Variants in DNAH11 observed in about 807,000 individuals in gnomAD.
The protein encoded by DNAH11 is axonemal beta dynein heavy chain 11.
A neutral mutation model predicts 526.0 loss-of-function variants in DNAH11; 442 were observed. The observed-to-expected ratio is 0.84, with a 90% CI of 0.78 to 0.91. The LOEUF is 0.91. DNAH11 is among the 40% of genes least tolerant of loss of function. The probability of loss-of-function intolerance (pLI) is 0.00; values close to 1 mark genes in which losing one functional copy is unlikely to be tolerated. For missense variants in DNAH11, 6,989 were observed against 5,448.7 expected (o/e 1.28, Z -8.90); for synonymous variants, 2,461 against 1,935.9 (o/e 1.27, Z -7.12).
At chr7:21,755,550 T>C (rs777477420) in intron 54 of DNAH11, among the ~76,000 whole-genome samples, 3 of 152,154 alleles carry the variant, frequency 2.0e-5, no homozygotes, top group Non-Finnish European at 4.4e-5. Context: ...TTAAAAAATA[T>C]GTGTTCATTG....
chr7:21,579,137 C>A (rs62441677), intron 8 of DNAH11, among the ~76,000 whole-genome samples: 2 of 152,066 alleles, frequency 1.3e-5, no homozygotes, highest in African/African-American at 4.8e-5. Context: ...GCCTTTTAGA[C>A]ACTAAGTCAA....
intron 30 of DNAH11, among the ~76,000 whole-genome samples, chr7:21,676,807 C>G (rs1562747432): frequency 6.6e-6 from 1 of 152,196 alleles, no homozygotes; most frequent in Non-Finnish European, 1.5e-5. Context: ...AGATTGGATA[C>G]TGCAAAGACC....
At chr7:21,740,075 T>C (rs1329901450) in intron 48 of DNAH11, among the ~76,000 whole-genome samples, 1 of 152,228 alleles carries the variant, frequency 6.6e-6, no homozygotes, top group African/African-American at 2.4e-5. Flanking sequence ...AGACATATAA[T>C]GACAAGTATC....
intron 61 of DNAH11, among the ~76,000 whole-genome samples, chr7:21,798,792 C>T (rs1270912470): frequency 6.6e-6 from 1 of 152,114 alleles, no homozygotes; most frequent in African/African-American, 2.4e-5. Context: ...TAACAGTCTT[C>T]TGTTAAATAA....
intron 58 of DNAH11, among the ~76,000 whole-genome samples, 175 bp downstream of exon 58, chr7:21,784,715 C>G (rs1788099582): frequency 6.6e-6 from 1 of 152,196 alleles, no homozygotes; most frequent in Non-Finnish European, 1.5e-5. Context: ...CATTATAGTT[C>G]AACTTCTTTT....
intron 74 of DNAH11, among the ~76,000 whole-genome samples, chr7:21,874,215 T>C (rs1195691049): frequency 1.5e-5 from 2 of 129,080 alleles, no homozygotes; most frequent in African/African-American, 5.8e-5. Context: ...CAGTGTAGTG[T>C]TTTAGCCCGG....
At chr7:21,704,238 C>T (rs972543810) in intron 37 of DNAH11, among the ~76,000 whole-genome samples, 196 bp from the exon 38 acceptor site, 4 of 152,190 alleles carry the variant, frequency 2.6e-5, no homozygotes, top group African/African-American at 9.7e-5. Flanking sequence ...TTCATTGTAT[C>T]AGTTCAGCCT....
At chr7:21,650,678 C>T (rs1168165021) in intron 28 of DNAH11, among the ~76,000 whole-genome samples, 4 of 150,948 alleles carry the variant, frequency 2.6e-5, no homozygotes, top group East Asian at 1.9e-4. Flanking sequence ...TCGTTCTTGT[C>T]TCCCAGGCTG....
chr7:21,571,903 G>A lies in DNAH11; in HGVS notation c.1523G>A (p.Ser508Asn). The A allele has an allele frequency of 1.2e-6, 2 of 1,612,798 alleles. No individual in the cohort carries two copies. Among genetic ancestry groups the A allele is most frequent in the Non-Finnish European group, 1.7e-6 (2 of 1,179,380 alleles). ...TTAAATGGACAAGTCCACGAGATGA[G>A]TGAAGAACTTATGGAACTCTGTAAA... The part of the protein sequence containing the change: ...AILNGQVHEM[S>N]EELMELCKLF... Residue 508 changes from serine (S) to asparagine (N), a missense_variant, in exon 8 of 82, where the codon AGT becomes AAT. Coordinates refer to ENST00000409508, the MANE Select transcript of DNAH11 (RefSeq NM_001277115.2).
intron 62 of DNAH11, among the ~76,000 whole-genome samples, chr7:21,802,122 A>G (rs1426024254): frequency 6.6e-6 from 1 of 152,214 alleles, no homozygotes; most frequent in Non-Finnish European, 1.5e-5. Flanking sequence ...ACGTTCAAGT[A>G]TTTCCTAACA....
intron 18 of DNAH11, among the ~76,000 whole-genome samples, chr7:21,606,123 A>G (rs1785269463): frequency 6.6e-6 from 1 of 152,194 alleles, no homozygotes; most frequent in African/African-American, 2.4e-5. Context: ...CACGAGTTCA[A>G]GACCAGCCTG....
At position 21,779,096 on chromosome 7, in the gene DNAH11, G is replaced by A. The variant is rs1046608031; in HGVS notation, c.9475G>A (p.Glu3159Lys). ...SREKTIADAE[E>K]RKVTAIQTEV... ...GGAAAAGACCATCGCTGATGCTGAG[G>A]AGCGAAAGGTCAGGCTAATTCCAAC... is the stretch of plus-strand genomic sequence containing the variant. Residue 3159 changes from glutamate to lysine, a missense_variant, in exon 57 of 82, where the codon GAG becomes AAG. Coordinates refer to ENST00000409508, the MANE Select transcript of DNAH11 (RefSeq NM_001277115.2). The A allele has an allele frequency of 5.6e-6, 9 of 1,612,312 alleles. 1 individual carries two copies. The highest frequency in any genetic ancestry group is 7.6e-6 in the Non-Finnish European group (9 of 1,178,702).
chr7:21,804,661 C>T (rs1462013807), intron 62 of DNAH11, among the ~76,000 whole-genome samples: 2 of 152,180 alleles, frequency 1.3e-5, no homozygotes, highest in Non-Finnish European at 2.9e-5. Context: ...CCCTGCCTTT[C>T]AGGTTCATTC....
chr7:21,635,302 G>A (rs568534816), intron 25 of DNAH11, among the ~76,000 whole-genome samples: 14 of 152,214 alleles, frequency 9.2e-5, no homozygotes, highest in South Asian at 4.1e-4. Flanking sequence ...GACTACAGGC[G>A]CCCGTCACCA....
chr7:21,740,798 A>G (rs985607083), intron 48 of DNAH11, among the ~76,000 whole-genome samples: 2 of 152,206 alleles, frequency 1.3e-5, no homozygotes, highest in Admixed American at 6.5e-5. Context: ...AGGAATCATC[A>G]TACTGTTTTC....
chr7:21,634,027 G>T (rs1457093836), intron 25 of DNAH11, among the ~76,000 whole-genome samples: 2 of 152,148 alleles, frequency 1.3e-5, no homozygotes, highest in African/African-American at 4.8e-5. Flanking sequence ...TAAAATTATA[G>T]TGTTAACATC....
At chr7:21,680,981 G>A (rs1025084611) in intron 30 of DNAH11, among the ~76,000 whole-genome samples, 23 of 152,168 alleles carry the variant, frequency 1.5e-4, no homozygotes, top group Non-Finnish European at 3.1e-4. Context: ...CATTAGGGTA[G>A]AGGGTCAGTC....
intron 28 of DNAH11, among the ~76,000 whole-genome samples, chr7:21,654,894 C>T (rs1469890956): frequency 6.6e-6 from 1 of 152,164 alleles, no homozygotes; most frequent in Non-Finnish European, 1.5e-5. Context: ...AAACACAGGG[C>T]AGTGCTCCCC....
chr7:21,796,464 CAAAAG>C (rs1333732550), intron 61 of DNAH11, among the ~76,000 whole-genome samples: 1 of 152,026 alleles, frequency 6.6e-6, no homozygotes, highest in Non-Finnish European at 1.5e-5. Flanking sequence ...AGAATGAAAA[CAAAAG>C]AAAGTCAAGG....
Sources: gnomAD v4.1 joint callset for allele counts (sites outside exome capture counted in the v4.1 genomes callset) on GRCh38, gnomAD v4.1.1 for gene constraint, MANE v1.5 for transcripts, NCBI Gene and HGNC (gene_info 2026-07-23, HGNC 2026-07-21) for gene names.